The following PRKG1 variants were observed in gnomAD, a reference collection of about 807,000 sequenced individuals.
PRKG1 encodes the protein protein kinase cGMP-dependent 1.
A neutral mutation model predicts 88.1 loss-of-function variants in PRKG1; 35 were observed. That is an observed-to-expected ratio of 0.40 (90% CI 0.30 to 0.53). PRKG1 has a LOEUF of 0.53. PRKG1 is among the 20% of genes least tolerant of loss of function. PRKG1 has a pLI of 0.59. For missense variants in PRKG1, 540 were observed against 839.8 expected, an observed-to-expected ratio of 0.64 and a Z score of 4.41; for synonymous variants, 303 against 292.5, an observed-to-expected ratio of 1.04 and a Z score of -0.37.
intron 1 of PRKG1, among the ~76,000 whole-genome samples, chr10:51,142,843 C>A (rs542296205): frequency 7.8e-4 from 118 of 152,184 alleles, no homozygotes; most frequent in African/African-American, 2.6e-3. Flanking sequence ...TAACATTCTT[C>A]TAAAATTTTT....
At chr10:51,074,388 G>A (rs1023253533), upstream of PRKG1, 3 of 1,356,602 alleles carry the variant, frequency 2.2e-6, no homozygotes, top group African/African-American at 4.4e-5. Context: ...CCAGCCCAGA[G>A]AAGTGGAATC....
At chr10:51,961,696 C>G (rs150391672) in intron 5 of PRKG1, among the ~76,000 whole-genome samples, 1 of 152,284 alleles carries the variant, frequency 6.6e-6, no homozygotes, top group African/African-American at 2.4e-5. Context: ...CTCCCACAAG[C>G]TGTTATTGTC....
intron 2 of PRKG1, among the ~76,000 whole-genome samples, chr10:51,294,985 A>G (rs535111050): frequency 6.6e-6 from 1 of 152,056 alleles, no homozygotes; most frequent in South Asian, 2.1e-4. Context: ...TGGGAGACTG[A>G]GGGGGGAGGA....
At chr10:52,030,838 C>T (rs1163171154) in intron 5 of PRKG1, among the ~76,000 whole-genome samples, 1 of 151,932 alleles carries the variant, frequency 6.6e-6, no homozygotes, top group African/African-American at 2.4e-5. Context: ...GCATTTCAAC[C>T]AAATCAATTA....
chr10:51,138,737 C>T (rs1845754001), intron 1 of PRKG1, among the ~76,000 whole-genome samples: 1 of 117,460 alleles, frequency 8.5e-6, no homozygotes, highest in African/African-American at 3.2e-5. Flanking sequence ...GGCTGGAGTA[C>T]AGTGGCATGA....
intron 4 of PRKG1, among the ~76,000 whole-genome samples, chr10:51,902,832 T>C (rs1188816328): frequency 1.3e-5 from 2 of 152,194 alleles, no homozygotes; most frequent in East Asian, 3.8e-4. Flanking sequence ...AGAATTCTAC[T>C]GTGTACATGT....
chr10:51,555,427 T>C (rs184389695), intron 3 of PRKG1, among the ~76,000 whole-genome samples: 285 of 152,084 alleles, frequency 1.9e-3, no homozygotes, highest in Non-Finnish European at 2.6e-3. Flanking sequence ...CTAGAAATTG[T>C]CTTTATTGAA....
chr10:51,190,621 G>T (rs1837606944), intron 2 of PRKG1, among the ~76,000 whole-genome samples: 1 of 151,850 alleles, frequency 6.6e-6, no homozygotes. Context: ...AGACCCAGGA[G>T]TTCTCTTTCT....
intron 4 of PRKG1, among the ~76,000 whole-genome samples, chr10:51,887,543 A>T: frequency 6.6e-6 from 1 of 152,200 alleles, no homozygotes; most frequent in Non-Finnish European, 1.5e-5. Context: ...ACAGTGTATA[A>T]GAGTTCTAAT....
intron 4 of PRKG1, among the ~76,000 whole-genome samples, chr10:51,826,486 T>G (rs1463801780): frequency 6.6e-6 from 1 of 152,180 alleles, no homozygotes; most frequent in African/African-American, 2.4e-5. Context: ...TAATAAAAAC[T>G]CTCAATTTGA....
intron 2 of PRKG1, among the ~76,000 whole-genome samples, chr10:51,214,270 G>A (rs1271258298): frequency 1.3e-5 from 2 of 152,266 alleles, no homozygotes; most frequent in Non-Finnish European, 2.9e-5. Context: ...AGGAGCACAT[G>A]AAAAGGTGTT....
At chr10:51,668,445 T>C (rs976097724) in intron 3 of PRKG1, among the ~76,000 whole-genome samples, 1 of 152,222 alleles carries the variant, frequency 6.6e-6, no homozygotes, top group Non-Finnish European at 1.5e-5. Flanking sequence ...TCTTGTTCTG[T>C]TGCCCAGGCT....
At chr10:51,069,936 T>G (rs1257315118), upstream of PRKG1, among the ~76,000 whole-genome samples, 1 of 152,058 alleles carries the variant, frequency 6.6e-6, no homozygotes. Context: ...GAATGTAATC[T>G]TGTTGAAATA....
chr10:51,034,667 TTTATATATATATATATATATA>T (rs1365709309), intron 1 of PRKG1, among the ~76,000 whole-genome samples: 1 of 18,178 alleles, frequency 5.5e-5, no homozygotes, highest in Non-Finnish European at 1.0e-4. Context: ...TAATATGTTA[TTTATATATATATATATATATA>T]TATATATATA....
chr10:51,447,128 C>T lies in PRKG1; in HGVS notation c.479-20595C>T, dbSNP rs144619248. On this transcript the variant is annotated intron_variant, in intron 2 of 17. Coordinates refer to ENST00000373980, the MANE Select transcript of PRKG1 (RefSeq NM_006258.4). ...ATCACCTATAGCCAAACACATTAAC[C>T]TTTCTGCAAAGTCTGTAAGTGGTCA... is the stretch of plus-strand genomic sequence containing the variant. 3.9e-5 allele frequency among the ~76,000 whole-genome samples: 6 copies of T among 152,114 alleles called. No individual in the cohort carries two copies. In the East Asian group the frequency reaches 9.7e-4, roughly 25 times the overall value.
At chr10:52,078,309 TA>T (rs1846683942) in intron 7 of PRKG1, among the ~76,000 whole-genome samples, 1 of 152,204 alleles carries the variant, frequency 6.6e-6, no homozygotes, top group Non-Finnish European at 1.5e-5. Context: ...AATTTTAAAA[TA>T]ACCACTAATT....
chr10:52,138,322 A>G (rs183999603), intron 8 of PRKG1, among the ~76,000 whole-genome samples: 77 of 152,264 alleles, frequency 5.1e-4, no homozygotes, highest in African/African-American at 1.8e-3. Flanking sequence ...GCCATTAATT[A>G]TCTTTCCTTT....
At chr10:51,195,570 A>G (rs754012713) in intron 2 of PRKG1, among the ~76,000 whole-genome samples, 17 of 152,170 alleles carry the variant, frequency 1.1e-4, no homozygotes, top group Non-Finnish European at 2.2e-4. Context: ...AATAAGTTCT[A>G]CTTAGGAGGC....
chr10:51,824,716 T>C (rs1378655918), intron 4 of PRKG1, among the ~76,000 whole-genome samples: 1 of 152,038 alleles, frequency 6.6e-6, no homozygotes, highest in Non-Finnish European at 1.5e-5. Context: ...GTGTGTGACA[T>C]GGCAAGAGAG....
Sources: gnomAD v4.1 joint callset for allele counts (sites outside exome capture counted in the v4.1 genomes callset) on GRCh38, gnomAD v4.1.1 for gene constraint, MANE v1.5 for transcripts, NCBI Gene and HGNC (gene_info 2026-07-23, HGNC 2026-07-21) for gene names.